The following PCDH15 variants were observed in gnomAD, a reference collection of about 807,000 sequenced individuals.
The protein encoded by PCDH15 is protocadherin-15.
Under a neutral mutation model 178.5 loss-of-function variants are expected in PCDH15, and 129 were observed. The observed-to-expected ratio is 0.72, with a 90% CI of 0.63 to 0.84. The LOEUF is 0.84. Among genes scored for constraint, PCDH15 ranks in the 40% least tolerant of loss-of-function variants. The pLI is 0.00. For synonymous variants in PCDH15, 800 were observed against 732.0 expected, an observed-to-expected ratio of 1.09 and a Z score of -1.50; for missense variants, 2,230 against 2,099.9, an observed-to-expected ratio of 1.06 and a Z score of -1.21.
intron 8 of PCDH15, among the ~76,000 whole-genome samples, chr10:54,297,881 G>A (rs1288857301): frequency 6.6e-6 from 1 of 152,168 alleles, no homozygotes; most frequent in African/African-American, 2.4e-5. Flanking sequence ...TTAATGAAAA[G>A]AATGTGGCTT....
chr10:54,884,879 T>G (rs4935568), intron 3 of PCDH15, among the ~76,000 whole-genome samples: 1 of 152,058 alleles, frequency 6.6e-6, no homozygotes, highest in Non-Finnish European at 1.5e-5. Context: ...ATACATTAAA[T>G]TGAGTCTTCA....
At chr10:54,026,531 A>C (rs2093100458) in intron 18 of PCDH15, among the ~76,000 whole-genome samples, 1 of 152,220 alleles carries the variant, frequency 6.6e-6, no homozygotes, top group Non-Finnish European at 1.5e-5. Flanking sequence ...ATTTTGACTG[A>C]ATCTATGACA....
intron 3 of PCDH15, among the ~76,000 whole-genome samples, chr10:54,492,796 A>G (rs551500457): frequency 6.6e-6 from 1 of 152,230 alleles, no homozygotes; most frequent in South Asian, 2.1e-4. Flanking sequence ...ACTGCCTTTA[A>G]TTTATAAATT....
intron 1 of PCDH15, among the ~76,000 whole-genome samples, chr10:54,712,065 T>C (rs1434056378): frequency 6.6e-6 from 1 of 151,904 alleles, no homozygotes; most frequent in Non-Finnish European, 1.5e-5. Context: ...TACGTAGTAG[T>C]GTAATTTGTT....
At chr10:53,851,007 A>G (rs1031952847) in intron 28 of PCDH15, among the ~76,000 whole-genome samples, 2 of 152,164 alleles carry the variant, frequency 1.3e-5, no homozygotes, top group Non-Finnish European at 2.9e-5. Context: ...CAAGTGATCT[A>G]TCAGGTCCTA....
intron 2 of PCDH15, among the ~76,000 whole-genome samples, chr10:54,603,377 T>A (rs1324374817): frequency 6.6e-6 from 1 of 152,004 alleles, no homozygotes. Flanking sequence ...TTTTTAAAAT[T>A]TATTTTTTGC....
chr10:54,183,354 G>C (rs573723134), intron 13 of PCDH15, 90 bp downstream of exon 13: 1 of 1,255,458 alleles, frequency 8.0e-7, no homozygotes, highest in Non-Finnish European at 1.2e-6. Context: ...ATCAATTTCT[G>C]TTTCTTAAGT....
At chr10:54,035,112 A>G (rs2093385645) in intron 18 of PCDH15, among the ~76,000 whole-genome samples, 1 of 151,866 alleles carries the variant, frequency 6.6e-6, no homozygotes, top group Non-Finnish European at 1.5e-5. Context: ...AATGTTTTCA[A>G]TGACATGTTA....
intron 1 of PCDH15, among the ~76,000 whole-genome samples, chr10:54,792,556 T>C (rs1211824309): frequency 6.6e-6 from 1 of 151,910 alleles, no homozygotes; most frequent in Non-Finnish European, 1.5e-5. Flanking sequence ...GCGCTTTATC[T>C]AAACCACTGA....
intron 26 of PCDH15, among the ~76,000 whole-genome samples, chr10:53,885,694 T>G (rs2081045647): frequency 6.6e-6 from 1 of 152,160 alleles, no homozygotes; most frequent in South Asian, 2.1e-4. Context: ...CCTCACACAT[T>G]TTAATCTGGT....
At chr10:54,037,859 A>C (rs185544582) in intron 18 of PCDH15, among the ~76,000 whole-genome samples, 1 of 152,032 alleles carries the variant, frequency 6.6e-6, no homozygotes, top group Non-Finnish European at 1.5e-5. Context: ...GTTACGTCTA[A>C]CATGACAAGT....
chr10:53,807,896 T>C (rs571393567), intron 37 of PCDH15, among the ~76,000 whole-genome samples: 52 of 152,250 alleles, frequency 3.4e-4, no homozygotes, highest in Non-Finnish European at 1.6e-4. Context: ...ACATTAAAAA[T>C]AGCAAGAAGC....
intron 1 of PCDH15, among the ~76,000 whole-genome samples, chr10:55,284,922 A>C: frequency 6.6e-6 from 1 of 151,814 alleles, no homozygotes; most frequent in South Asian, 2.1e-4. Flanking sequence ...AGTCTAGATA[A>C]AGAAAAGAAA....
In PCDH15 at chr10:55,199,724, C is replaced by T. The variant is rs372349217; in HGVS notation, c.-155-33073G>A. Among the ~76,000 whole-genome samples, 59 of 152,196 alleles carry T rather than the reference C, an allele frequency of 3.9e-4. No homozygotes were observed. In the South Asian group the frequency reaches 0.011, roughly 29 times the overall value. On this transcript the variant is annotated intron_variant, in intron 1 of 5. Transcript: ENST00000458638. ...TTCATGGTCCAGGCCCAGGGACTTG[C>T]TGCTCTTTGCAGCCTCAGGACATAG...
chr10:54,563,278 T>C (rs1028034107), intron 2 of PCDH15, among the ~76,000 whole-genome samples: 5 of 54,002 alleles, frequency 9.3e-5, no homozygotes, highest in Non-Finnish European at 1.6e-4. Context: ...AGTCTACTGT[T>C]ACCATAAAGC....
chr10:54,722,579 C>CAAA (rs34375725), intron 1 of PCDH15, among the ~76,000 whole-genome samples: 13,875 of 131,404 alleles, frequency 0.11, 839 homozygotes, highest in Middle Eastern at 0.18. Context: ...CAATTGGGAC[C>CAAA]AAAAAAAAAA....
intron 20 of PCDH15, among the ~76,000 whole-genome samples, chr10:54,003,736 CA>C (rs55871741): frequency 0.018 from 1,403 of 76,102 alleles, 9 homozygotes; most frequent in African/African-American, 0.051. Context: ...CAAACTATTC[CA>C]AAAAAAAAAA....
At chr10:54,006,660 C>T (rs572074590) in intron 20 of PCDH15, among the ~76,000 whole-genome samples, 1 of 152,234 alleles carries the variant, frequency 6.6e-6, no homozygotes, top group East Asian at 1.9e-4. Context: ...ACAAATGCTG[C>T]CTTGGTACTG....
intron 10 of PCDH15, among the ~76,000 whole-genome samples, chr10:54,204,961 T>A (rs1024902885): frequency 6.6e-6 from 1 of 152,156 alleles, no homozygotes; most frequent in Non-Finnish European, 1.5e-5. Context: ...AACCAAAATA[T>A]CTGACATGTA....
Sources: allele counts gnomAD v4.1 joint callset (sites outside exome capture counted in the v4.1 genomes callset), GRCh38; gene constraint gnomAD v4.1.1; transcripts MANE v1.5; gene names NCBI Gene and HGNC (gene_info 2026-07-23, HGNC 2026-07-21).